Variants in DTNA observed in about 807,000 individuals in gnomAD.
DTNA encodes dystrobrevin alpha.
A neutral mutation model predicts 100.7 loss-of-function variants in DTNA; 43 were observed. The ratio of observed to expected loss-of-function variants is 0.43; its 90% CI spans 0.33 to 0.55. DTNA has a LOEUF of 0.55. Ranked by LOEUF, DTNA falls within the 20% of genes least tolerant of loss-of-function variation. The pLI is 0.04. For synonymous variants in DTNA, 349 were observed against 347.9 expected (o/e 1.00, Z -0.04); for missense variants, 798 against 953.9 (o/e 0.84, Z 2.15).
intron 16 of DTNA, among the ~76,000 whole-genome samples, chr18:34,859,302 A>G (rs985071446): frequency 8.8e-5 from 13 of 147,720 alleles, no homozygotes; most frequent in African/African-American, 2.9e-4. Flanking sequence ...CAACAAAAGA[A>G]TGAAGCAACG....
intron 1 of DTNA, among the ~76,000 whole-genome samples, chr18:34,582,102 C>T (rs2048708099): frequency 6.6e-6 from 1 of 151,966 alleles, no homozygotes; most frequent in Non-Finnish European, 1.5e-5. Flanking sequence ...TGAAATTCTC[C>T]TAAATGTGGC....
rs947267784 is a variant in DTNA at position 34,883,893 on chromosome 18, G to A, written c.2296-835G>A. ...TGTTGGTCTAGCCATACCAAAGAAA[G>A]AGGGTAAAAGAAAAACATAAGTGAC... On this transcript the variant is annotated intron_variant, in intron 21 of 22. Transcript: ENST00000444659. Among the ~76,000 whole-genome samples the A allele has an allele frequency of 2.0e-5, 3 of 152,192 alleles. No homozygotes were observed. The South Asian group carries it at 6.2e-4, about 32-fold the overall frequency.
intron 1 of DTNA, among the ~76,000 whole-genome samples, chr18:34,495,493 T>G (rs1004810128): frequency 6.6e-6 from 1 of 152,256 alleles, no homozygotes; most frequent in Non-Finnish European, 1.5e-5. Context: ...GTTATTAGTC[T>G]GTTCTTTGTT....
At chr18:34,867,574 G>A (rs956601472) in intron 17 of DTNA, 7 of 1,078,760 alleles carry the variant, frequency 6.5e-6, no homozygotes, top group Non-Finnish European at 7.8e-6. Flanking sequence ...TATTTAGCAT[G>A]TGCATAGAAA....
chr18:34,830,261 T>C (rs1346502736), intron 11 of DTNA, among the ~76,000 whole-genome samples: 1 of 152,038 alleles, frequency 6.6e-6, no homozygotes, highest in Non-Finnish European at 1.5e-5. Flanking sequence ...CCAGTCAGTA[T>C]AGGGCAGCAC....
intron 13 of DTNA, among the ~76,000 whole-genome samples, chr18:34,843,755 G>C: frequency 6.6e-6 from 1 of 152,032 alleles, no homozygotes; most frequent in East Asian, 1.9e-4. Flanking sequence ...AGACACAATT[G>C]AATCCATAAC....
chr18:34,703,302 T>G (rs2081641784), intron 1 of DTNA, among the ~76,000 whole-genome samples: 1 of 152,200 alleles, frequency 6.6e-6, no homozygotes, highest in South Asian at 2.1e-4. Flanking sequence ...TCTTCCTAAC[T>G]TGTATACTTA....
chr18:34,836,420 AG>A (rs1268536057), intron 11 of DTNA, among the ~76,000 whole-genome samples: 1 of 152,154 alleles, frequency 6.6e-6, no homozygotes, highest in Non-Finnish European at 1.5e-5. Context: ...TGGGAGGCCG[AG>A]GGGGGCAGAT....
intron 17 of DTNA, among the ~76,000 whole-genome samples, chr18:34,872,516 C>T (rs1338699259): frequency 1.3e-5 from 2 of 152,168 alleles, no homozygotes; most frequent in Admixed American, 6.5e-5. Context: ...ATGCAGATAT[C>T]GTATCAGTTA....
intron 4 of DTNA, 104 bp downstream of exon 4, chr18:34,794,354 T>G (rs1043514792): frequency 3.1e-6 from 4 of 1,308,082 alleles, no homozygotes; most frequent in Middle Eastern, 5.0e-4. Context: ...TCTTTTTTTT[T>G]TTACTCTCTT....
Position 34,545,691 on chromosome 18 carries a change from AT to A in DTNA, c.-2+52179del, listed in dbSNP as rs1162217180. Among the ~76,000 whole-genome samples, 10 of 152,200 alleles carry A rather than the reference AT, an allele frequency of 6.6e-5. No homozygotes were observed. In the East Asian group the frequency reaches 1.9e-3, roughly 30 times the overall value. ...ATTTCAGAGCTTCCCACTACCTTCAATTCAATCTTCTGCCCAACTCTAAGAT... is the reference window on the plus strand; with the variant it reads ...ATTTCAGAGCTTCCCACTACCTTCAATCAATCTTCTGCCCAACTCTAAGAT... On this transcript the variant is annotated intron_variant, in intron 1 of 19. Transcript: ENST00000283365.
chr18:34,707,593 T>G (rs996593680), upstream of DTNA, among the ~76,000 whole-genome samples: 2 of 151,984 alleles, frequency 1.3e-5, no homozygotes, highest in African/African-American at 4.8e-5. Flanking sequence ...GCTCTTACAT[T>G]TACAAAATGA....
intron 1 of DTNA, among the ~76,000 whole-genome samples, chr18:34,636,621 A>T (rs2058694568): frequency 6.6e-6 from 1 of 152,202 alleles, no homozygotes; most frequent in African/African-American, 2.4e-5. Flanking sequence ...GTAACATGTT[A>T]GCATTATGAT....
chr18:34,790,250 C>T (rs939602139), intron 3 of DTNA, among the ~76,000 whole-genome samples: 2 of 152,048 alleles, frequency 1.3e-5, no homozygotes, highest in African/African-American at 4.8e-5. Flanking sequence ...ACATGCAACG[C>T]AGAATGGGAA....
intron 3 of DTNA, among the ~76,000 whole-genome samples, chr18:34,787,757 C>A (rs1427629187): frequency 6.6e-6 from 1 of 152,168 alleles, no homozygotes; most frequent in East Asian, 1.9e-4. Flanking sequence ...CCCCCAACAC[C>A]CGAACCTAGC....
chr18:34,512,562 CA>C (rs1314472992), intron 1 of DTNA, among the ~76,000 whole-genome samples: 2 of 151,998 alleles, frequency 1.3e-5, no homozygotes, highest in African/African-American at 4.8e-5. Flanking sequence ...GTGAATCCAG[CA>C]GATGGATGGC....
intron 3 of DTNA, among the ~76,000 whole-genome samples, chr18:34,789,774 A>G (rs994869766): frequency 6.6e-6 from 1 of 152,274 alleles, no homozygotes; most frequent in South Asian, 2.1e-4. Context: ...AGGACCTTCA[A>G]TATGTAAGCA....
intron 1 of DTNA, among the ~76,000 whole-genome samples, chr18:34,613,035 G>T (rs996002133): frequency 2.0e-5 from 3 of 152,068 alleles, no homozygotes; most frequent in African/African-American, 7.2e-5. Context: ...AAGTCTATCT[G>T]CCATTTTTCC....
intron 21 of DTNA, among the ~76,000 whole-genome samples, 168 bp from the exon 22 acceptor site, chr18:34,884,560 C>T (rs981408841): frequency 2.0e-5 from 3 of 152,198 alleles, no homozygotes; most frequent in Admixed American, 2.0e-4. Flanking sequence ...TCCTTGAATG[C>T]TCTGTGAGCA....
Sources: allele counts gnomAD v4.1 joint callset (sites outside exome capture counted in the v4.1 genomes callset), GRCh38; gene constraint gnomAD v4.1.1; transcripts MANE v1.5; gene names NCBI Gene and HGNC (gene_info 2026-07-23, HGNC 2026-07-21).